The following ECE1 variants were observed in gnomAD, a reference collection of about 807,000 sequenced individuals.
The protein encoded by ECE1 is endothelin-converting enzyme 1.
A neutral mutation model predicts 98.6 loss-of-function variants in ECE1; 35 were observed. The observed-to-expected ratio is 0.35, with a 90% CI of 0.27 to 0.47. The LOEUF is 0.47. Ranked by LOEUF, ECE1 falls within the 20% of genes least tolerant of loss-of-function variation. The probability of loss-of-function intolerance (pLI) is 1.00; values close to 1 mark genes in which losing one functional copy is unlikely to be tolerated. For synonymous variants in ECE1, 394 were observed against 407.1 expected, an observed-to-expected ratio of 0.97 and a Z score of 0.39; for missense variants, 814 against 1,025.3, an observed-to-expected ratio of 0.79 and a Z score of 2.81.
intron 11 of ECE1, among the ~76,000 whole-genome samples, 184 bp from the exon 12 acceptor site, chr1:21,237,028 C>A (rs1055301409): frequency 6.6e-6 from 1 of 152,182 alleles, no homozygotes; most frequent in Non-Finnish European, 1.5e-5. Flanking sequence ...CCCTGCAAGA[C>A]AGGACTGGCC....
rs1406392056 is a variant in ECE1 at position 21,217,710 on chromosome 1, T to A, written c.*2245A>T. 2 of 152,480 alleles carry A rather than the reference T, an allele frequency of 1.3e-5. No homozygotes were observed. The highest frequency in any genetic ancestry group is 4.8e-5 in the African/African-American group (2 of 41,454). 9.4% of individuals were successfully genotyped at this position (152,480 alleles called of 1,614,324 possible). On this transcript the variant is annotated 3_prime_UTR_variant, in exon 19 of 19. Transcript: ENST00000374893. ...ACACCATGGCTGGGAGAAGCCCGCC[T>A]CTATGTGGCAAGGGGACTGCGGCTG...
In ECE1 at chr1:21,319,562, CTT is replaced by C. The variant is rs1251963662; in HGVS notation, c.3+25812_3+25813del. On this transcript the variant is annotated intron_variant, in intron 1 of 18. Coordinates refer to the ECE1 transcript ENST00000415912. The surrounding 1 kb of genome is among the most constrained non-coding windows in gnomAD (Gnocchi z 4.4). ...TGCTGCCCCCAATCTGCTTCTCAGA[CTT>C]TCTGCTCCTGGCCTTCCTGGGAGCC... Among the ~76,000 whole-genome samples the C allele has an allele frequency of 3.3e-5, 5 of 152,150 alleles. No homozygotes were observed. Among genetic ancestry groups the C allele is most frequent in the African/African-American group, 1.2e-4 (5 of 41,436 alleles).
In ECE1 at chr1:21,290,273, C is replaced by CCCGAGA; in HGVS notation, c.51+85_51+90dup. The CCCGAGA allele has an allele frequency of 1.5e-6, 2 of 1,317,894 alleles. No homozygotes were observed. The highest frequency in any genetic ancestry group is 1.9e-6 in the Non-Finnish European group (2 of 1,032,106). 81.6% of individuals were successfully genotyped at this position (1,317,894 alleles called of 1,614,324 possible). A position where few individuals can be genotyped will look rare whatever the true frequency, so the allele number is the denominator to read the frequency against. Reference sequence around the variant, plus strand: ...GCCGCGCCCCGCCCCGGCCTGGACACCCGAGACCGAGACCGGCCCACGGAG... The same window carrying CCCGAGA: ...GCCGCGCCCCGCCCCGGCCTGGACACCCGAGACCGAGACCGAGACCGGCCCACGGAG... On this transcript the variant is annotated intron_variant, in intron 1 of 18. Transcript: ENST00000374893. The surrounding 1 kb of genome is among the most constrained non-coding windows in gnomAD (Gnocchi z 7.3).
chr1:21,303,089 C>A (rs1005385516), intron 1 of ECE1, among the ~76,000 whole-genome samples: 1 of 152,236 alleles, frequency 6.6e-6, no homozygotes, highest in Non-Finnish European at 1.5e-5. Context: ...AGCCCCACCA[C>A]TGGCTGCTTT....
chr1:21,318,727 C>A (rs1252550023), intron 1 of ECE1, among the ~76,000 whole-genome samples: 1 of 152,134 alleles, frequency 6.6e-6, no homozygotes, highest in Non-Finnish European at 1.5e-5. Context: ...GTCACACCAG[C>A]CTTCCAAGGA....
At position 21,322,427 on chromosome 1, in the gene ECE1, C is replaced by T. The variant is rs1638984444; in HGVS notation, c.3+22949G>A. ...CCAGGCAGCCTGGCTGCACAGTTGC[C>T]ATGGAAACACCAGTGGGTTCTTTGG... On this transcript the variant is annotated intron_variant, in intron 1 of 18. Transcript: ENST00000415912. The surrounding 1 kb of genome is among the most constrained non-coding windows in gnomAD (Gnocchi z 4.1). 6.6e-6 allele frequency among the ~76,000 whole-genome samples: 1 copy of T among 152,212 alleles called. No individual in the cohort carries two copies. The highest frequency in any genetic ancestry group is 1.5e-5 in the Non-Finnish European group (1 of 68,036).
chr1:21,251,491 G>A (rs898426381), intron 8 of ECE1, among the ~76,000 whole-genome samples: 7 of 152,326 alleles, frequency 4.6e-5, no homozygotes, highest in African/African-American at 1.4e-4. Context: ...CTCCAGCCTG[G>A]GCAACAGGGC....
intron 4 of ECE1, among the ~76,000 whole-genome samples, chr1:21,265,855 G>T (rs2098233219): frequency 6.6e-6 from 1 of 152,144 alleles, no homozygotes; most frequent in Admixed American, 6.5e-5. Context: ...GCACTATGCT[G>T]GGGACACATT....
At chr1:21,309,923 G>A (rs1476546532) in intron 1 of ECE1, among the ~76,000 whole-genome samples, 2 of 151,886 alleles carry the variant, frequency 1.3e-5, no homozygotes, top group Non-Finnish European at 2.9e-5. Flanking sequence ...TCCCGAGTAG[G>A]TGGGACTACA....
In ECE1 at chr1:21,322,108, A is replaced by G. The variant is rs928771888; in HGVS notation, c.3+23268T>C. ...CCTGAAGCTCCCTCACTGCTGCCCC[A>G]CCTGGCTCATGTCAGGAGCTGGAAC... is the stretch of plus-strand genomic sequence containing the variant. On this transcript the variant is annotated intron_variant, in intron 1 of 18. Coordinates refer to the ECE1 transcript ENST00000415912. This position sits in a 1 kb window ranked among gnomAD's most constrained non-coding sequence, Gnocchi z 4.1. 2.0e-5 allele frequency among the ~76,000 whole-genome samples: 3 copies of G among 151,998 alleles called. No homozygotes were observed. Among genetic ancestry groups the G allele is most frequent in the Non-Finnish European group, 4.4e-5 (3 of 68,010 alleles).
At chr1:21,243,002 C>T (rs1217371934) in intron 10 of ECE1, among the ~76,000 whole-genome samples, 2 of 152,212 alleles carry the variant, frequency 1.3e-5, no homozygotes, top group African/African-American at 4.8e-5. Context: ...AATAATTCCT[C>T]ATCCCTCTTC....
rs114232246 is a variant in ECE1, at chr1:21,219,660, G to A, written c.*295C>T. On this transcript the variant is annotated 3_prime_UTR_variant, in exon 19 of 19. Transcript: ENST00000374893. The surrounding 1 kb of genome is among the most constrained non-coding windows in gnomAD (Gnocchi z 4.5). ...CATTTGACACAGTGGTATTTGTGGC[G>A]TATCTGGCGCTTGTCAGTGTGGGGC... 1.5e-3 allele frequency: 706 copies of A among 474,060 alleles called. 1 individual carries two copies. Among genetic ancestry groups the A allele is most frequent in the Non-Finnish European group, 2.3e-3 (591 of 259,190 alleles). The allele number at this position is 474,060 out of a possible 1,614,324, so 29.4% of individuals were successfully genotyped here.
intron 13 of ECE1, among the ~76,000 whole-genome samples, chr1:21,234,245 C>T (rs1278721592): frequency 6.6e-6 from 1 of 152,012 alleles, no homozygotes; most frequent in African/African-American, 2.4e-5. Context: ...ACCTTGGCAT[C>T]CCAAAGTGCT....
intron 15 of ECE1, among the ~76,000 whole-genome samples, chr1:21,227,499 C>T (rs1297805077): frequency 6.6e-6 from 1 of 152,178 alleles, no homozygotes. Context: ...TCAGTCATTG[C>T]GAAAGCGTTA....
upstream of ECE1, chr1:21,294,227 G>A (rs1456107298): frequency 6.6e-6 from 1 of 152,472 alleles, no homozygotes; most frequent in Non-Finnish European, 1.5e-5. This position sits in a 1 kb window ranked among gnomAD's most constrained non-coding sequence, Gnocchi z 4.2. Context: ...ACCTCACAGA[G>A]TCTGGGTGCC....
At chr1:21,328,763 C>T (rs1389716773) in intron 1 of ECE1, among the ~76,000 whole-genome samples, 3 of 89,484 alleles carry the variant, frequency 3.4e-5, no homozygotes, top group African/African-American at 5.7e-5. Context: ...ACCTCCATCT[C>T]GAAAAAAAAA....
In ECE1 at chr1:21,256,188, C is replaced by T. The variant is rs755920574; in HGVS notation, c.829-50G>A. 6 of 1,559,930 alleles carry T rather than the reference C, an allele frequency of 3.8e-6. No homozygotes were observed. In the South Asian group the frequency reaches 7.1e-5, roughly 19 times the overall value. ...TCAGTGGCTGCCCCCCCACTATCCA[C>T]TGGACGAGAGTTGGTGGGGGGCTTG... On this transcript the variant is annotated intron_variant, in intron 7 of 18. Coordinates refer to ENST00000374893, the MANE Select transcript of ECE1 (RefSeq NM_001397.3).
At chr1:21,232,441 G>A (rs907536183) in intron 14 of ECE1, among the ~76,000 whole-genome samples, 1 of 151,908 alleles carries the variant, frequency 6.6e-6, no homozygotes, top group Non-Finnish European at 1.5e-5. Context: ...TGGGACTACA[G>A]GTTCGTGCCA....
intron 8 of ECE1, among the ~76,000 whole-genome samples, chr1:21,254,252 T>C (rs1190717655): frequency 6.6e-6 from 1 of 151,862 alleles, no homozygotes; most frequent in Non-Finnish European, 1.5e-5. Context: ...AGAGAATCCA[T>C]ATATTTCCTA....
Sources: allele counts gnomAD v4.1 joint callset (sites outside exome capture counted in the v4.1 genomes callset), GRCh38; gene constraint gnomAD v4.1.1; non-coding constraint Gnocchi (gnomAD v3.1); transcripts MANE v1.5; gene names NCBI Gene and HGNC (gene_info 2026-07-23, HGNC 2026-07-21).